USP4: variants seen among roughly 807,000 people sequenced by gnomAD.
USP4 encodes ubiquitin carboxyl-terminal hydrolase 4.
USP4 carries 72 observed loss-of-function variants against 118.2 expected under a neutral mutation model. The ratio of observed to expected loss-of-function variants is 0.61; its 90% CI spans 0.50 to 0.74. The LOEUF (loss-of-function observed/expected upper bound fraction) is 0.74, where lower values mean the gene tolerates loss of function less well. Among genes scored for constraint, USP4 ranks in the 30% least tolerant of loss-of-function variants. The probability of loss-of-function intolerance (pLI) is 0.00; values close to 1 mark genes in which losing one functional copy is unlikely to be tolerated. For synonymous variants in USP4, 415 were observed against 440.4 expected, an observed-to-expected ratio of 0.94 and a Z score of 0.72; for missense variants, 1,037 against 1,185.7, an observed-to-expected ratio of 0.87 and a Z score of 1.84.
intron 13 of USP4, among the ~76,000 whole-genome samples, chr3:49,295,104 A>G (rs897763805): frequency 6.6e-6 from 1 of 152,078 alleles, no homozygotes; most frequent in Non-Finnish European, 1.5e-5. Context: ...CCTGGCTAAC[A>G]CGGTGAAACC....
chr3:49,310,476 G>A, intron 8 of USP4, 144 bp downstream of exon 8: 1 of 717,038 alleles, frequency 1.4e-6, no homozygotes, highest in East Asian at 2.5e-5. Context: ...CCACCTAGTG[G>A]GAGATGCCCT....
intron 6 of USP4, among the ~76,000 whole-genome samples, chr3:49,314,648 C>T (rs922135618): frequency 2.6e-5 from 4 of 152,198 alleles, no homozygotes; most frequent in Admixed American, 2.6e-4. Flanking sequence ...AATTCTGATG[C>T]ACAGAACCTC....
chr3:49,315,844 T>C (rs1184532594), intron 6 of USP4, among the ~76,000 whole-genome samples: 1 of 152,182 alleles, frequency 6.6e-6, no homozygotes, highest in Non-Finnish European at 1.5e-5. Flanking sequence ...CTTAATCTAC[T>C]GCACTCCACT....
intron 2 of USP4, among the ~76,000 whole-genome samples, chr3:49,334,328 T>C (rs371779761): frequency 2.6e-5 from 4 of 152,212 alleles, no homozygotes; most frequent in East Asian, 3.9e-4. Context: ...CATAATGAAA[T>C]GATTCCTTAG....
At chr3:49,284,685 T>A in intron 17 of USP4, 101 bp from the exon 18 acceptor site, 1 of 1,235,796 alleles carries the variant, frequency 8.1e-7, no homozygotes, top group Non-Finnish European at 1.2e-6. Flanking sequence ...GTAGTACACT[T>A]TCTAGAGCCT....
intron 10 of USP4, among the ~76,000 whole-genome samples, chr3:49,301,870 G>A (rs1282635070): frequency 6.6e-6 from 1 of 151,968 alleles, no homozygotes; most frequent in Non-Finnish European, 1.5e-5. Flanking sequence ...CAAGGCAAAA[G>A]GTATAAATGT....
intron 19 of USP4, among the ~76,000 whole-genome samples, chr3:49,282,331 G>T (rs1374286287): frequency 6.6e-6 from 1 of 151,968 alleles, no homozygotes; most frequent in Non-Finnish European, 1.5e-5. Context: ...CTGGAGTGCA[G>T]TGGCGCGATC....
At chr3:49,296,510 G>A (rs1033852636) in intron 13 of USP4, among the ~76,000 whole-genome samples, 19 of 151,996 alleles carry the variant, frequency 1.3e-4, no homozygotes, top group Admixed American at 3.3e-4. Flanking sequence ...TGAGCCAGGC[G>A]TGGTGGCGGG....
chr3:49,313,422 G>C (rs1360672300), intron 6 of USP4, among the ~76,000 whole-genome samples: 1 of 152,052 alleles, frequency 6.6e-6, no homozygotes, highest in East Asian at 1.9e-4. Context: ...CAGCTACTTG[G>C]GAGGCTGAGG....
At position 49,283,304 on chromosome 3, in the gene USP4, G is replaced by A. The variant is rs141090106; in HGVS notation, c.2540+683C>T. Among the ~76,000 whole-genome samples the A allele has an allele frequency of 3.6e-3, 548 of 152,010 alleles. 1 individual carries two copies. Among genetic ancestry groups the A allele is most frequent in the African/African-American group, 0.01 (431 of 41,472 alleles). On this transcript the variant is annotated intron_variant, in intron 19 of 21. Transcript: ENST00000265560. ...GCTGGGATTACAAGCATGAGCCACC[G>A]TGCCCAGCCTATTTTTTTAAATATA...
intron 4 of USP4, 134 bp downstream of exon 4, chr3:49,325,585 G>C (rs1345978329): frequency 7.4e-7 from 1 of 1,345,104 alleles, no homozygotes; most frequent in Non-Finnish European, 1.0e-6. Flanking sequence ...GGTCAGGACT[G>C]GCAACTACAG....
At chr3:49,331,556 G>C (rs190444866) in intron 2 of USP4, among the ~76,000 whole-genome samples, 253 of 152,286 alleles carry the variant, frequency 1.7e-3, no homozygotes, top group Non-Finnish European at 2.4e-3. Flanking sequence ...GGGAAGCAGA[G>C]GTTGCAGTAA....
At chr3:49,309,873 C>G (rs1394226232) in intron 8 of USP4, among the ~76,000 whole-genome samples, 2 of 150,002 alleles carry the variant, frequency 1.3e-5, no homozygotes, top group Non-Finnish European at 3.0e-5. Flanking sequence ...GTTATCCACC[C>G]GCCTTAGCCT....
In USP4 at chr3:49,279,382, G is replaced by C. The variant is rs533386809; in HGVS notation, c.2645-480C>G. ...GCCTACAGAATAATCCCAGTTAGAG[G>C]AACATTGGGTGTTTGGGTTTGCAGA... On this transcript the variant is annotated intron_variant, in intron 20 of 21. Transcript: ENST00000265560. Among the ~76,000 whole-genome samples, 3 of 151,992 alleles carry C rather than the reference G, an allele frequency of 2.0e-5. No individual in the cohort carries two copies. The South Asian group carries it at 6.2e-4, about 32-fold the overall frequency.
At chr3:49,321,935 A>G (rs984031340) in intron 6 of USP4, among the ~76,000 whole-genome samples, 1 of 152,106 alleles carries the variant, frequency 6.6e-6, no homozygotes, top group Non-Finnish European at 1.5e-5. Flanking sequence ...CAGAGGTTAC[A>G]GTGAACCGAG....
At chr3:49,332,223 G>A (rs1277956648) in intron 2 of USP4, among the ~76,000 whole-genome samples, 1 of 152,112 alleles carries the variant, frequency 6.6e-6, no homozygotes, top group Non-Finnish European at 1.5e-5. Context: ...GTTGCAGTGA[G>A]CCAAGATTGT....
intron 6 of USP4, among the ~76,000 whole-genome samples, chr3:49,313,528 C>CA (rs1007628753): frequency 4.2e-4 from 57 of 136,260 alleles, no homozygotes; most frequent in Middle Eastern, 3.6e-3. Flanking sequence ...AACTCCATCT[C>CA]AAAAAAAAAA....
intron 6 of USP4, among the ~76,000 whole-genome samples, chr3:49,320,041 C>T (rs931589323): frequency 3.3e-5 from 5 of 152,106 alleles, no homozygotes; most frequent in African/African-American, 1.2e-4. Flanking sequence ...CTCAGCCTCC[C>T]AAGAAGCTGG....
chr3:49,323,517 T>C (rs2047522401), intron 6 of USP4, among the ~76,000 whole-genome samples: 1 of 152,124 alleles, frequency 6.6e-6, no homozygotes, highest in Non-Finnish European at 1.5e-5. Context: ...GGAATTAGGA[T>C]ATGGATATCT....
Sources: allele counts gnomAD v4.1 joint callset (sites outside exome capture counted in the v4.1 genomes callset), GRCh38; gene constraint gnomAD v4.1.1; transcripts MANE v1.5; gene names NCBI Gene and HGNC (gene_info 2026-07-23, HGNC 2026-07-21).